The following EPHA6 variants were observed in gnomAD, a reference collection of about 807,000 sequenced individuals.
EPHA6 encodes ephrin type-A receptor 6.
EPHA6 carries 50 observed loss-of-function variants against 112.0 expected under a neutral mutation model. That is an observed-to-expected ratio of 0.45 (90% CI 0.36 to 0.56). EPHA6 has a LOEUF of 0.56. EPHA6 is among the 20% of genes least tolerant of loss of function. The pLI, the probability that EPHA6 is intolerant of heterozygous loss-of-function variation, is 0.00. For missense variants in EPHA6, 1,280 were observed against 1,417.4 expected, an observed-to-expected ratio of 0.90 and a Z score of 1.56; for synonymous variants, 529 against 490.7, an observed-to-expected ratio of 1.08 and a Z score of -1.03.
At chr3:97,306,494 G>T (rs1016386923) in intron 5 of EPHA6, among the ~76,000 whole-genome samples, 8 of 151,546 alleles carry the variant, frequency 5.3e-5, no homozygotes, top group Non-Finnish European at 1.2e-4. Context: ...GCAGTCAGTG[G>T]TCTCTAACAC....
intron 13 of EPHA6, among the ~76,000 whole-genome samples, chr3:97,624,909 C>T (rs532598121): frequency 6.6e-6 from 1 of 151,468 alleles, no homozygotes; most frequent in East Asian, 1.9e-4. Context: ...CACCTTCATT[C>T]TGGTTTTAGT....
intron 11 of EPHA6, among the ~76,000 whole-genome samples, chr3:97,547,270 T>C (rs917183753): frequency 1.3e-5 from 2 of 152,174 alleles, no homozygotes; most frequent in African/African-American, 4.8e-5. Flanking sequence ...TGTTTTTTAG[T>C]TTTCCTTCTA....
At position 97,244,906 on chromosome 3, in the gene EPHA6, C is replaced by A. The variant is rs141123135; in HGVS notation, c.1606+619C>A. On this transcript the variant is annotated intron_variant, in intron 5 of 17. Coordinates refer to ENST00000389672, the MANE Select transcript of EPHA6 (RefSeq NM_001080448.3). The stretch of plus-strand genomic sequence containing the variant: ...TTACTATAATATGGTCAGGCGCAAA[C>A]ACTCCTATGATTTTTACAAGTATAT... Among the ~76,000 whole-genome samples, 807 of 152,052 alleles carry A rather than the reference C, an allele frequency of 5.3e-3. 6 individuals carry two copies. The highest frequency in any genetic ancestry group is 8.1e-3 in the Non-Finnish European group (548 of 67,920).
chr3:96,982,324 T>C (rs2107824189), intron 2 of EPHA6, among the ~76,000 whole-genome samples: 1 of 152,358 alleles, frequency 6.6e-6, no homozygotes, highest in African/African-American at 2.4e-5. Flanking sequence ...TCAGTAGTCA[T>C]TCAGGAGCAG....
At chr3:96,891,931 G>C (rs1215962682) in intron 2 of EPHA6, among the ~76,000 whole-genome samples, 1 of 152,176 alleles carries the variant, frequency 6.6e-6, no homozygotes. Flanking sequence ...AGCTGAAGTG[G>C]TCCTTGGAGA....
At chr3:97,325,971 A>G (rs2082399746) in intron 5 of EPHA6, among the ~76,000 whole-genome samples, 1 of 152,096 alleles carries the variant, frequency 6.6e-6, no homozygotes, top group Non-Finnish European at 1.5e-5. Flanking sequence ...CCATAGGATT[A>G]TTCAAGAGAT....
rs567281438 is a variant in EPHA6 at position 96,871,359 on chromosome 3, T to C, written c.450+4470T>C. Among the ~76,000 whole-genome samples the C allele has an allele frequency of 2.8e-3, 420 of 152,146 alleles. 1 individual carries two copies. Among genetic ancestry groups the C allele is most frequent in the Non-Finnish European group, 5.1e-3 (346 of 67,946 alleles). On this transcript the variant is annotated intron_variant, in intron 2 of 17. Transcript: ENST00000389672. ...AATATATGTAAAGAAGTTAAAACAATGTCTGGTTCATAATAAACATTACAT... is the reference window on the plus strand; with the variant it reads ...AATATATGTAAAGAAGTTAAAACAACGTCTGGTTCATAATAAACATTACAT...
At chr3:97,093,264 TA>T (rs2047130713) in intron 3 of EPHA6, among the ~76,000 whole-genome samples, 5 of 152,082 alleles carry the variant, frequency 3.3e-5, no homozygotes, top group Admixed American at 3.3e-4. Flanking sequence ...AAAAGGGGAA[TA>T]AAGCTGGATG....
intron 7 of EPHA6, 108 bp downstream of exon 7, chr3:97,448,838 G>A (rs761424759): frequency 1.1e-5 from 11 of 1,016,292 alleles, no homozygotes; most frequent in South Asian, 3.0e-5. Context: ...TTGTTTAAAT[G>A]AGATTTTGTT....
intron 10 of EPHA6, among the ~76,000 whole-genome samples, chr3:97,491,943 T>G (rs28553506): frequency 0.083 from 12,592 of 152,118 alleles, 1,655 homozygotes; most frequent in African/African-American, 0.28. Flanking sequence ...AGCCAGACCA[T>G]ATTTAACAAG....
rs188442970 is a variant in EPHA6, at chr3:97,194,857, T to A, written c.1115-31407T>A. Among the ~76,000 whole-genome samples, 400 of 152,172 alleles carry A rather than the reference T, an allele frequency of 2.6e-3. 3 individuals are homozygous for A. Among genetic ancestry groups the A allele is most frequent in the African/African-American group, 8.6e-3 (359 of 41,582 alleles). ...TTTTCATAGCCTTTGTTTTGAAATC[T>A]ATTTTGTCTGACTTAAGTATAGCAA... is the stretch of plus-strand genomic sequence containing the variant. On this transcript the variant is annotated intron_variant, in intron 3 of 17. Transcript: ENST00000389672.
intron 3 of EPHA6, among the ~76,000 whole-genome samples, chr3:97,146,007 A>G (rs1404614862): frequency 1.3e-5 from 2 of 151,708 alleles, no homozygotes; most frequent in Non-Finnish European, 3.0e-5. Flanking sequence ...CCCAAATGAC[A>G]TACACACTGC....
At chr3:97,107,963 T>C (rs1292241917) in intron 3 of EPHA6, among the ~76,000 whole-genome samples, 1 of 152,178 alleles carries the variant, frequency 6.6e-6, no homozygotes, top group Non-Finnish European at 1.5e-5. Flanking sequence ...GGTTTTCAAA[T>C]GAAACTACAT....
chr3:97,518,115 T>C (rs960832885), intron 10 of EPHA6, among the ~76,000 whole-genome samples: 6 of 152,142 alleles, frequency 3.9e-5, no homozygotes, highest in East Asian at 3.9e-4. Context: ...TACCCAGAAG[T>C]GGGATTGATG....
At chr3:97,457,479 T>C (rs1181105080) in intron 7 of EPHA6, among the ~76,000 whole-genome samples, 1 of 151,994 alleles carries the variant, frequency 6.6e-6, no homozygotes, top group African/African-American at 2.4e-5. Flanking sequence ...AATGAAAGAG[T>C]TGTAAAAATG....
intron 3 of EPHA6, among the ~76,000 whole-genome samples, chr3:97,108,294 G>T (rs1012403141): frequency 6.6e-6 from 1 of 152,170 alleles, no homozygotes; most frequent in Non-Finnish European, 1.5e-5. Flanking sequence ...TGGATAGCAA[G>T]TGTTCCCATT....
intron 5 of EPHA6, among the ~76,000 whole-genome samples, chr3:97,393,261 G>A (rs1404356223): frequency 1.3e-5 from 2 of 151,718 alleles, no homozygotes; most frequent in East Asian, 1.9e-4. Context: ...CCAATTTGAG[G>A]ATACTTTTTT....
At chr3:97,018,922 C>A (rs1198771746) in intron 3 of EPHA6, among the ~76,000 whole-genome samples, 2 of 152,150 alleles carry the variant, frequency 1.3e-5, no homozygotes, top group African/African-American at 4.8e-5. Flanking sequence ...CTGGCGTTAC[C>A]GCTAGAGCAA....
intron 14 of EPHA6, among the ~76,000 whole-genome samples, chr3:97,664,110 T>C (rs2094189383): frequency 6.6e-6 from 1 of 152,242 alleles, no homozygotes; most frequent in African/African-American, 2.4e-5. Context: ...TTTTCATGTG[T>C]GTTTTGGCTG....
Sources: allele counts gnomAD v4.1 joint callset (sites outside exome capture counted in the v4.1 genomes callset), GRCh38; gene constraint gnomAD v4.1.1; transcripts MANE v1.5; gene names NCBI Gene and HGNC (gene_info 2026-07-23, HGNC 2026-07-21).